The following IL12RB2 variants were observed in gnomAD, a reference collection of about 807,000 sequenced individuals.
The protein encoded by IL12RB2 is interleukin-12 receptor subunit beta-2.
A neutral mutation model predicts 89.4 loss-of-function variants in IL12RB2; 82 were observed. The ratio of observed to expected loss-of-function variants is 0.92; its 90% CI spans 0.77 to 1.10. The LOEUF (loss-of-function observed/expected upper bound fraction) is 1.10. IL12RB2 is among the 50% of genes least tolerant of loss of function. The pLI, the probability that IL12RB2 is intolerant of heterozygous loss-of-function variation, is 0.00. For synonymous variants in IL12RB2, 368 were observed against 370.1 expected (o/e 0.99, Z 0.07); for missense variants, 963 against 1,031.9 (o/e 0.93, Z 0.92).
At chr1:67,324,804 G>A (rs1362945360) in intron 4 of IL12RB2, among the ~76,000 whole-genome samples, 1 of 152,228 alleles carries the variant, frequency 6.6e-6, no homozygotes, top group Non-Finnish European at 1.5e-5. Flanking sequence ...CCAAACATGG[G>A]AACAGACAGC....
chr1:67,347,422 C>A (rs909161550), intron 9 of IL12RB2, among the ~76,000 whole-genome samples: 5 of 152,162 alleles, frequency 3.3e-5, no homozygotes, highest in Non-Finnish European at 7.4e-5. Context: ...CATGGAGACA[C>A]CCCTCCTCCA....
chr1:67,338,005 T>C (rs908069453), intron 8 of IL12RB2, among the ~76,000 whole-genome samples: 4 of 151,972 alleles, frequency 2.6e-5, no homozygotes, highest in African/African-American at 9.7e-5. Context: ...TGTACTTTCC[T>C]TGGGTTATTT....
At chr1:67,350,013 AGT>A (rs1312330076) in intron 9 of IL12RB2, among the ~76,000 whole-genome samples, 2 of 152,226 alleles carry the variant, frequency 1.3e-5, no homozygotes, top group Non-Finnish European at 2.9e-5. Context: ...TGCTGACTAC[AGT>A]GTGTCTTTCA....
Position 67,329,573 on chromosome 1 carries a change from G to C in IL12RB2, c.665-14G>C. On this transcript the variant is annotated splice_polypyrimidine_tract_variant and intron_variant, in intron 6 of 16. Transcript: ENST00000674203. ...GATCCTGAACCACACTTTTTTGTTTGTCCTGGTTACTAGTGAGGCCTCTTC... is the reference window on the plus strand; with the variant it reads ...GATCCTGAACCACACTTTTTTGTTTCTCCTGGTTACTAGTGAGGCCTCTTC... The C allele has an allele frequency of 6.5e-7, 1 of 1,542,882 alleles. No homozygotes were observed. Among genetic ancestry groups the C allele is most frequent in the Non-Finnish European group, 9.0e-7 (1 of 1,115,184 alleles).
intron 8 of IL12RB2, among the ~76,000 whole-genome samples, chr1:67,334,853 G>A (rs958051612): frequency 2.6e-5 from 4 of 152,186 alleles, no homozygotes; most frequent in Non-Finnish European, 4.4e-5. Context: ...CAGGCAGAGG[G>A]CCAGATTTGG....
intron 13 of IL12RB2, 31 bp from the exon 14 acceptor site, chr1:67,379,955 A>G (rs768617587): frequency 6.5e-7 from 1 of 1,534,412 alleles, no homozygotes; most frequent in Non-Finnish European, 9.0e-7. Context: ...ATCCTTTAAT[A>G]CATGCCTTTC....
In IL12RB2 at chr1:67,386,165, C is replaced by T. The variant is rs192610666; in HGVS notation, c.1856-414C>T. On this transcript the variant is annotated intron_variant, in intron 14 of 16. Transcript: ENST00000674203. ...CGGAGATTGCAGTGAGCTGAGATTGCGCCATTGCACTCCAGCCTGGGAGAC... is the reference window on the plus strand; with the variant it reads ...CGGAGATTGCAGTGAGCTGAGATTGTGCCATTGCACTCCAGCCTGGGAGAC... Among the ~76,000 whole-genome samples the T allele has an allele frequency of 3.7e-4, 52 of 139,994 alleles. 1 individual carries two copies. Among genetic ancestry groups the T allele is most frequent in the East Asian group, 3.4e-3 (16 of 4,642 alleles). The allele number at this position is 139,994 out of a possible 152,430, so 91.8% of individuals were successfully genotyped here. A position where few individuals can be genotyped will look rare whatever the true frequency, so the allele number is the denominator to read the frequency against.
In IL12RB2 at chr1:67,329,689, G is replaced by A. The variant is rs185002143; in HGVS notation, c.767G>A (p.Arg256Gln). ...WRDEGLVLLN[R>Q]LRYRPSNSRL... ...GATGAGGGACTGGTACTGCTTAATC[G>A]ACTCAGATATCGGCCCAGTAACAGC... Residue 256 changes from arginine (R) to glutamine (Q), a missense_variant, in exon 7 of 17, where the codon CGA (arginine) becomes CAA (glutamine). Arg to Gln is a conservative substitution (Grantham distance 43, BLOSUM62 1). Coordinates refer to ENST00000674203, the MANE Select transcript of IL12RB2 (RefSeq NM_001374259.2). 2.6e-5 allele frequency: 41 copies of A among 1,605,496 alleles called. No individual in the cohort carries two copies. The African/African-American group carries it at 3.2e-4, about 13-fold the overall frequency.
chr1:67,378,949 GC>G, intron 13 of IL12RB2, among the ~76,000 whole-genome samples: 1 of 151,584 alleles, frequency 6.6e-6, no homozygotes, highest in East Asian at 1.9e-4. Flanking sequence ...TATAATCCCA[GC>G]ACTTTGGGAG....
At position 67,321,650 on chromosome 1, in the gene IL12RB2, T is replaced by C; in HGVS notation, c.125T>C (p.Leu42Ser). ...ACTGTGAAGCCTTCCCATGTAATTT[T>C]ACTTGGATCCACTGTCAATATTACA... is the stretch of plus-strand genomic sequence containing the variant. ...DVTVKPSHVI[L>S]LGSTVNITCS... Residue 42 changes from leucine (L) to serine (S), a missense_variant, in exon 4 of 17, where the codon TTA becomes TCA. By Grantham distance (145) the Leu-to-Ser change is moderately radical. Transcript: ENST00000674203. The C allele has an allele frequency of 1.9e-6, 3 of 1,606,448 alleles. No homozygotes were observed. Among genetic ancestry groups the C allele is most frequent in the Non-Finnish European group, 2.6e-6 (3 of 1,172,988 alleles).
intron 13 of IL12RB2, among the ~76,000 whole-genome samples, chr1:67,374,166 C>T (rs1663687402): frequency 6.6e-6 from 1 of 152,204 alleles, no homozygotes; most frequent in African/African-American, 2.4e-5. Context: ...AGAGACCTTT[C>T]TACATCCATC....
At chr1:67,334,624 A>G (rs34250105) in intron 8 of IL12RB2, among the ~76,000 whole-genome samples, 2 of 47,158 alleles carry the variant, frequency 4.2e-5, no homozygotes, top group East Asian at 4.5e-4. Flanking sequence ...GACTACAGGC[A>G]CCCCGCCACC....
At chr1:67,366,595 T>G (rs1484518208) in intron 10 of IL12RB2, among the ~76,000 whole-genome samples, 2 of 152,148 alleles carry the variant, frequency 1.3e-5, no homozygotes. Context: ...AGAGCCTTCA[T>G]GCTTTTCTTG....
intron 15 of IL12RB2, among the ~76,000 whole-genome samples, chr1:67,387,015 G>A (rs59051866): frequency 6.0e-5 from 9 of 151,104 alleles, no homozygotes; most frequent in African/African-American, 1.7e-4. Context: ...TGCAACCTCC[G>A]CCTCCTGGGT....
rs146568326 is a variant in IL12RB2, at chr1:67,338,672, A to C, written c.1007A>C (p.Tyr336Ser). 6.5e-7 allele frequency: 1 copy of C among 1,540,904 alleles called. No individual in the cohort carries two copies. Among genetic ancestry groups the C allele is most frequent in the East Asian group, 2.2e-5 (1 of 44,550 alleles). Residue 336 changes from tyrosine (Y) to serine (S), a missense_variant, in exon 9 of 17, where the codon TAC becomes TCC. Transcript: ENST00000674203. ...DVWYMKRHID[Y>S]SRQQISLFWK... ...TGGTACATGAAACGGCACATTGACT[A>C]CAGTAGACAACAGATTTCTCTTTTC...
At chr1:67,352,070 T>G (rs920560556) in intron 10 of IL12RB2, among the ~76,000 whole-genome samples, 1 of 152,236 alleles carries the variant, frequency 6.6e-6, no homozygotes, top group South Asian at 2.1e-4. Flanking sequence ...CTGTTAAATC[T>G]TGGTTATATA....
chr1:67,385,724 C>T (rs17129935), intron 14 of IL12RB2, among the ~76,000 whole-genome samples: 7,027 of 152,238 alleles, frequency 0.046, 217 homozygotes, highest in African/African-American at 0.079. Context: ...GGCACAATTT[C>T]AAACATTTCA....
intron 16 of IL12RB2, among the ~76,000 whole-genome samples, chr1:67,395,070 C>T (rs1666218715): frequency 6.6e-6 from 1 of 151,990 alleles, no homozygotes; most frequent in Non-Finnish European, 1.5e-5. Flanking sequence ...GAGTTCGAGA[C>T]CAGCCTGGCC....
chr1:67,324,700 A>G (rs1246007662), intron 4 of IL12RB2, among the ~76,000 whole-genome samples: 1 of 152,200 alleles, frequency 6.6e-6, no homozygotes, highest in Non-Finnish European at 1.5e-5. Context: ...CGACTCTCAG[A>G]CCACCTGTGT....
Sources: gnomAD v4.1 joint callset for allele counts (sites outside exome capture counted in the v4.1 genomes callset) on GRCh38, gnomAD v4.1.1 for gene constraint, MANE v1.5 for transcripts, NCBI Gene and HGNC (gene_info 2026-07-23, HGNC 2026-07-21) for gene names.